Variants in ATG9B observed in about 807,000 individuals in gnomAD.
ATG9B encodes the protein autophagy-related protein 9B.
Under a neutral mutation model 92.9 loss-of-function variants are expected in ATG9B, and 92 were observed. The observed-to-expected ratio is 0.99, with a 90% CI of 0.84 to 1.18. The LOEUF (loss-of-function observed/expected upper bound fraction) is 1.18. ATG9B is among the 50% of genes most tolerant of loss of function. The probability of loss-of-function intolerance (pLI) is 0.00; values close to 1 mark genes in which losing one functional copy is unlikely to be tolerated. For missense variants in ATG9B, 1,344 were observed against 1,235.0 expected (o/e 1.09, Z -1.32); for synonymous variants, 599 against 551.4 (o/e 1.09, Z -1.21).
rs768563045 is a variant in ATG9B, at chr7:151,017,126, G to GC, written c.2198dup (p.Arg734ProfsTer32). 2 of 1,612,462 alleles carry GC rather than the reference G, an allele frequency of 1.2e-6. No individual in the cohort carries two copies. Among genetic ancestry groups the GC allele is most frequent in the African/African-American group, 2.7e-5 (2 of 74,858 alleles). ...AGGCAGCTGCATCTTGTTGTACTCG[G>GC]CCCCAGAGGTGCCCAAGAAACTTAG... On this transcript the variant is annotated frameshift_variant, in exon 9 of 14. Transcript: ENST00000639579. LOFTEE classifies it high-confidence loss of function.
At chr7:151,013,575 G>A, downstream of ATG9B, 1 of 369,896 alleles carries the variant, frequency 2.7e-6, no homozygotes. Context: ...CCGCCCCTTT[G>A]GCTCTGCCCC....
rs766006835 is a variant in ATG9B, at chr7:151,021,262, G to A, written c.889C>T (p.Leu297Phe). ...LAAGFWLVQL[L>F]RSVCNLFSYW... ...CTGAAGAGGTTGCAGACTGAGCGAA[G>A]CAGTTGGACCAGCCAGAAGCCGGCA... The change falls in exon 5 of 14, where the codon CTT becomes TTT. Residue 297 changes from leucine to phenylalanine, a missense_variant. Physicochemically the swap from Leu to Phe is conservative, Grantham distance 22. Coordinates refer to ENST00000639579, the MANE Select transcript of ATG9B (RefSeq NM_001317056.2). 6.2e-7 allele frequency: 1 copy of A among 1,613,506 alleles called. No homozygotes were observed. The highest frequency in any genetic ancestry group is 1.7e-5 in the Admixed American group (1 of 60,008).
Position 151,016,110 on chromosome 7 carries a change from G to A in ATG9B, c.2646C>T (p.Asp882=), listed in dbSNP as rs545593603. The A allele has an allele frequency of 2.2e-5, 34 of 1,537,290 alleles. No individual in the cohort carries two copies. The highest frequency in any genetic ancestry group is 2.0e-4 in the South Asian group (16 of 81,880). Residue 882 remains aspartate, a splice_region_variant and synonymous_variant, in exon 12 of 14, where the codon GAC becomes GAT. Transcript: ENST00000639579. ...PDEEKPSWSS[D]GSSPASSPRQ... is the part of the protein sequence containing the mutation. ...CCCTGCAGGCCCCACCCTCCTCACCGTCACTTGACCAGGATGGCTTCTCCT... is the reference window on the plus strand; with the variant it reads ...CCCTGCAGGCCCCACCCTCCTCACCATCACTTGACCAGGATGGCTTCTCCT...
downstream of ATG9B, chr7:151,014,123 T>G (rs779787527): frequency 6.2e-7 from 1 of 1,612,458 alleles, no homozygotes; most frequent in Admixed American, 1.7e-5. Context: ...CGGGGCGCAG[T>G]GCCCTGGGCG....
At chr7:151,019,443 C>T in intron 5 of ATG9B, 69 bp from the exon 6 acceptor site, 1 of 1,468,430 alleles carries the variant, frequency 6.8e-7, no homozygotes, top group Non-Finnish European at 8.9e-7. Context: ...AGCTCCACAC[C>T]CCTAAGTGTG....
At position 151,018,760 on chromosome 7, in the gene ATG9B, C is replaced by G. The variant is rs1442670348; in HGVS notation, c.1578G>C (p.Leu526=). Residue 526 remains leucine, a synonymous_variant, in exon 6 of 14, where the codon CTG becomes CTC. Transcript: ENST00000639579. This position sits in a 1 kb window ranked among gnomAD's most constrained non-coding sequence, Gnocchi z 4.7. ...CGAAGAAAACGAGCTGGCGGGCCAG[C>G]AGCGTGCGCAGGGGCGCGGGGGGCG... ...TAAPPAPLRT[L]LARQLVFFAG... is the part of the protein sequence containing the mutation. The G allele has an allele frequency of 2.0e-6, 3 of 1,524,094 alleles. No homozygotes were observed. Among genetic ancestry groups the G allele is most frequent in the Admixed American group, 2.1e-5 (1 of 48,002 alleles). The allele number at this position is 1,524,094 out of a possible 1,614,324, so 94.4% of individuals were successfully genotyped here.
chr7:151,014,066 C>G (rs756842629), downstream of ATG9B: 10 of 1,613,828 alleles, frequency 6.2e-6, no homozygotes, highest in African/African-American at 1.3e-5. Flanking sequence ...CAGGAGGTGA[C>G]AAGCCGCATA....
At chr7:151,016,348 C>T (rs925816777) in intron 11 of ATG9B, 83 bp downstream of exon 11, 28 of 1,513,372 alleles carry the variant, frequency 1.9e-5, no homozygotes, top group East Asian at 2.5e-5. Context: ...CTAGACCCTT[C>T]CGTAGACTCC....
At chr7:151,012,227 T>G (rs866840487), downstream of ATG9B, 20 of 902,370 alleles carry the variant, frequency 2.2e-5, no homozygotes, top group Non-Finnish European at 2.8e-5. Flanking sequence ...TGTTTTTTGT[T>G]TTTTTTTTAA....
Position 151,015,725 on chromosome 7 carries a change from G to A in ATG9B, c.*15-12C>T. On this transcript the variant is annotated splice_polypyrimidine_tract_variant and intron_variant, in intron 13 of 13. Transcript: ENST00000639579. Reference sequence around the variant, plus strand: ...CGAAGCCAGGGTACCTGTGGGAGGAGACGGCTCTTGGCAAGCAGTCCAGGG... The same window carrying A: ...CGAAGCCAGGGTACCTGTGGGAGGAAACGGCTCTTGGCAAGCAGTCCAGGG... 2 of 1,038,832 alleles carry A rather than the reference G, an allele frequency of 1.9e-6. No individual in the cohort carries two copies. The highest frequency in any genetic ancestry group is 4.5e-5 in the South Asian group (2 of 44,664). The allele number at this position is 1,038,832 out of a possible 1,614,324, so 64.4% of individuals were successfully genotyped here.
At position 151,019,260 on chromosome 7, in the gene ATG9B, G is replaced by T. The variant is rs930038359; in HGVS notation, c.1078C>A (p.Arg360Ser). 1.3e-5 allele frequency: 20 copies of T among 1,576,710 alleles called. No homozygotes were observed. The highest frequency in any genetic ancestry group is 1.7e-4 in the Middle Eastern group (1 of 5,984). The change falls in exon 6 of 14, where the codon CGC becomes AGC. Residue 360 changes from arginine to serine, a missense_variant. Transcript: ENST00000639579. The stretch of plus-strand genomic sequence containing the variant: ...TGGTAGTTGGTGTAGCGCAGGATGC[G>T]GTGGTGGATGTCCAGCTCCGTCAGG... ...RPLTELDIHH[R>S]ILRYTNYQVA...
At position 151,017,140 on chromosome 7, in the gene ATG9B, C is replaced by T; in HGVS notation, c.2185G>A (p.Gly729Arg). ...RPPGHSSKFL[G>R]HLWGRVQQDA... Reference sequence around the variant, plus strand: ...TGTTGTACTCGGCCCCAGAGGTGCCCAAGAAACTTAGAGCTGTGCCCTGGG... The same window carrying T: ...TGTTGTACTCGGCCCCAGAGGTGCCTAAGAAACTTAGAGCTGTGCCCTGGG... The change falls in exon 9 of 14, where the codon GGG becomes AGG. Residue 729 changes from glycine (G) to arginine (R), a missense_variant. Transcript: ENST00000639579. 1 of 1,612,942 alleles carries T rather than the reference C, an allele frequency of 6.2e-7. No individual in the cohort carries two copies. The highest frequency in any genetic ancestry group is 8.5e-7 in the Non-Finnish European group (1 of 1,179,796).
chr7:151,015,922 G>C lies in ATG9B; in HGVS notation c.2749C>G (p.Pro917Ala). The C allele has an allele frequency of 6.4e-7, 1 of 1,551,670 alleles. No individual in the cohort carries two copies. The highest frequency in any genetic ancestry group is 8.7e-7 in the Non-Finnish European group (1 of 1,146,974). ...FQVTTDTQKE[P>A]DRASCTD ...CAGTCAGTGCAAGAGGCCCGGTCAG[G>C]CTCCTTCTGGGTGTCTGTGGTCACC... The change falls in exon 13 of 14, where the codon CCT becomes GCT. Residue 917 changes from proline (P) to alanine (A), a missense_variant. By Grantham distance (27) the Pro-to-Ala change is conservative. Transcript: ENST00000639579.
rs1339017243 is a variant in ATG9B, at chr7:151,018,532, G to A, written c.1719-85C>T. 10 of 1,522,102 alleles carry A rather than the reference G, an allele frequency of 6.6e-6. No homozygotes were observed. The East Asian group carries it at 1.4e-4, about 22-fold the overall frequency. 94.3% of individuals were successfully genotyped at this position (1,522,102 alleles called of 1,614,324 possible). A position where few individuals can be genotyped will look rare whatever the true frequency, so the allele number is the denominator to read the frequency against. On this transcript the variant is annotated intron_variant, in intron 6 of 13. Transcript: ENST00000639579. This position sits in a 1 kb window ranked among gnomAD's most constrained non-coding sequence, Gnocchi z 4.7. The stretch of plus-strand genomic sequence containing the variant: ...GTAGGGCTAGAGGGCCCCAGTGGTG[G>A]GAGAGGTAAGGATTCGGGGGGAACC...
At position 151,016,421 on chromosome 7, in the gene ATG9B, C is replaced by G. The variant is rs780745824; in HGVS notation, c.2520+10G>C. 3 of 1,550,946 alleles carry G rather than the reference C, an allele frequency of 1.9e-6. No individual in the cohort carries two copies. The highest frequency in any genetic ancestry group is 1.4e-5 in the African/African-American group (1 of 73,034). The stretch of plus-strand genomic sequence containing the variant: ...CTCCACATTTCTCCTTTGGGCACCC[C>G]TCTACTCACCTGGTGCAGGTAGATG... On this transcript the variant is annotated intron_variant, in intron 11 of 13. Coordinates refer to ENST00000639579, the MANE Select transcript of ATG9B (RefSeq NM_001317056.2).
intron 5 of ATG9B, among the ~76,000 whole-genome samples, chr7:151,020,645 A>G (rs1454017168): frequency 1.3e-5 from 2 of 152,244 alleles, no homozygotes; most frequent in Non-Finnish European, 2.9e-5. Flanking sequence ...CAGACTCAAG[A>G]TGGTGAGGAA....
downstream of ATG9B, chr7:151,013,187 T>G (rs772549065): frequency 1.3e-6 from 2 of 1,586,830 alleles, no homozygotes; most frequent in Non-Finnish European, 1.7e-6. Context: ...CCACTAGCAC[T>G]GTGCCCCGGA....
At position 151,018,384 on chromosome 7, in the gene ATG9B, C is replaced by T. The variant is rs768785597; in HGVS notation, c.1782G>A (p.Leu594=). Residue 594 remains leucine, a synonymous_variant, in exon 7 of 14, where the codon CTG becomes CTA. Transcript: ENST00000639579. The surrounding 1 kb of genome is among the most constrained non-coding windows in gnomAD (Gnocchi z 4.7). ...CCTCCGGGAGGTAGTGCATGTGGGC[C>T]AGGGCTGTCTGCAGCAGGAGCTGCG... ...RAPQLLLQTA[L]AHMHYLPEEP... The T allele has an allele frequency of 4.4e-6, 7 of 1,590,496 alleles. No homozygotes were observed. The highest frequency in any genetic ancestry group is 1.8e-5 in the Admixed American group (1 of 55,202).
chr7:151,024,372 C>T lies in ATG9B; in HGVS notation c.52G>A (p.Gly18Arg). 7.3e-7 allele frequency: 1 copy of T among 1,379,268 alleles called. No individual in the cohort carries two copies. The allele number at this position is 1,379,268 out of a possible 1,614,324, so 85.4% of individuals were successfully genotyped here. A position where few individuals can be genotyped will look rare whatever the true frequency, so the allele number is the denominator to read the frequency against. The change falls in exon 1 of 14, where the codon GGA becomes AGA. Residue 18 changes from glycine to arginine, a missense_variant. Physicochemically the swap from Gly to Arg is moderately radical, Grantham distance 125 (BLOSUM62 -2). Coordinates refer to ENST00000639579, the MANE Select transcript of ATG9B (RefSeq NM_001317056.2). ...GGRRRRLGRW[G>R]DLGPGSVPLL... ...GGCACCGATCCGGGCCCCAGATCTCCCCACCGCCCCAGCCGCCTTCTTCTC... is the reference window on the plus strand; with the variant it reads ...GGCACCGATCCGGGCCCCAGATCTCTCCACCGCCCCAGCCGCCTTCTTCTC...
Sources: gnomAD v4.1 joint callset for allele counts (sites outside exome capture counted in the v4.1 genomes callset) on GRCh38, gnomAD v4.1.1 for gene constraint, Gnocchi (gnomAD v3.1) non-coding constraint, MANE v1.5 for transcripts, NCBI Gene and HGNC (gene_info 2026-07-23, HGNC 2026-07-21) for gene names.